TSHZ2: variants seen among roughly 807,000 people sequenced by gnomAD.
The protein encoded by TSHZ2 is teashirt homolog 2.
Under a neutral mutation model 74.4 loss-of-function variants are expected in TSHZ2, and 21 were observed. The observed-to-expected ratio is 0.28, with a 90% CI of 0.20 to 0.41. The LOEUF (loss-of-function observed/expected upper bound fraction) is 0.41. Among genes scored for constraint, TSHZ2 ranks in the 10% least tolerant of loss-of-function variants. The pLI is 1.00. For synonymous variants in TSHZ2, 540 were observed against 515.3 expected (o/e 1.05, Z -0.65); for missense variants, 1,244 against 1,293.5 (o/e 0.96, Z 0.59).
intron 2 of TSHZ2, among the ~76,000 whole-genome samples, chr20:53,455,937 C>T (rs1411628831): frequency 1.3e-5 from 2 of 151,568 alleles, no homozygotes; most frequent in Non-Finnish European, 3.0e-5. Flanking sequence ...ATATGTGCCA[C>T]ATTTTCTTAA....
chr20:53,134,477 C>CT (rs1162861132), intron 1 of TSHZ2, among the ~76,000 whole-genome samples: 3 of 152,154 alleles, frequency 2.0e-5, no homozygotes, highest in Non-Finnish European at 4.4e-5. Flanking sequence ...TCATTTGACA[C>CT]TTTTTATTGT....
chr20:52,987,457 C>CCT (rs574813303), intron 1 of TSHZ2, among the ~76,000 whole-genome samples: 11 of 149,300 alleles, frequency 7.4e-5, no homozygotes, highest in African/African-American at 1.7e-4. Flanking sequence ...CTTTCTCTCT[C>CCT]CTCTCTCTCT....
At chr20:53,210,424 G>C (rs961981470) in intron 1 of TSHZ2, among the ~76,000 whole-genome samples, 1 of 152,086 alleles carries the variant, frequency 6.6e-6, no homozygotes, top group Admixed American at 6.5e-5. Flanking sequence ...GAGTTGGGAG[G>C]GGGATGGAGT....
At chr20:53,293,977 C>T (rs1991330077) in intron 2 of TSHZ2, among the ~76,000 whole-genome samples, 1 of 152,076 alleles carries the variant, frequency 6.6e-6, no homozygotes, top group African/African-American at 2.4e-5. Flanking sequence ...GAGATCATGC[C>T]ACTGCACTCC....
chr20:53,220,433 G>A (rs1225660821), intron 1 of TSHZ2, among the ~76,000 whole-genome samples: 1 of 152,198 alleles, frequency 6.6e-6, no homozygotes, highest in Middle Eastern at 3.2e-3. Flanking sequence ...TTCCTCTACA[G>A]GGTTACTGAT....
chr20:52,973,452 G>A, intron 1 of TSHZ2, 119 bp downstream of exon 1: 2 of 1,332,176 alleles, frequency 1.5e-6, no homozygotes, highest in Non-Finnish European at 1.0e-6. Flanking sequence ...TTTGCGCCGG[G>A]TGCCCTTCTA....
At chr20:52,995,257 C>T (rs1982139672) in intron 1 of TSHZ2, among the ~76,000 whole-genome samples, 1 of 152,186 alleles carries the variant, frequency 6.6e-6, no homozygotes, top group African/African-American at 2.4e-5. Context: ...CCTCGCTCCT[C>T]ATTCAGAATC....
At chr20:53,250,929 GTA>G (rs1491530192) in intron 1 of TSHZ2, among the ~76,000 whole-genome samples, 2 of 148,724 alleles carry the variant, frequency 1.3e-5, no homozygotes, top group African/African-American at 5.0e-5. Flanking sequence ...GTGTGTGTGT[GTA>G]TGCACAGGTG....
intron 2 of TSHZ2, among the ~76,000 whole-genome samples, chr20:53,468,129 A>T (rs1471013714): frequency 6.6e-6 from 1 of 152,220 alleles, no homozygotes; most frequent in Non-Finnish European, 1.5e-5. Flanking sequence ...GAAGAGATTC[A>T]TGTTAAAAAG....
At chr20:53,158,740 A>G (rs1987856645) in intron 1 of TSHZ2, among the ~76,000 whole-genome samples, 1 of 152,012 alleles carries the variant, frequency 6.6e-6, no homozygotes, top group African/African-American at 2.4e-5. Context: ...CCCCTCCCCA[A>G]CCATGGAGGG....
At chr20:53,472,811 G>T (rs1030626402) in intron 2 of TSHZ2, among the ~76,000 whole-genome samples, 1 of 151,832 alleles carries the variant, frequency 6.6e-6, no homozygotes, top group African/African-American at 2.4e-5. Context: ...CACCGTGCGC[G>T]AGCCGAAGCA....
intron 2 of TSHZ2, among the ~76,000 whole-genome samples, chr20:53,414,157 A>G (rs1268108002): frequency 6.6e-6 from 1 of 152,114 alleles, no homozygotes; most frequent in Non-Finnish European, 1.5e-5. Context: ...AAAAAATTTA[A>G]AAAGAATAAT....
rs1471223316 is a variant in TSHZ2 at position 53,441,241 on chromosome 20, T to G, written c.*9-45903T>G. On this transcript the variant is annotated intron_variant, in intron 2 of 2. Transcript: ENST00000371497. ...TATTTGTTTATTTTATTTTATTTTA[T>G]TTTATTTTATTTTATTTTATTTTAT... 7.2e-4 allele frequency among the ~76,000 whole-genome samples: 105 copies of G among 145,052 alleles called. 1 individual carries two copies. The highest frequency in any genetic ancestry group is 2.1e-3 in the Admixed American group (30 of 14,548).
intron 2 of TSHZ2, among the ~76,000 whole-genome samples, chr20:53,382,595 G>T (rs1981899030): frequency 6.6e-6 from 1 of 152,198 alleles, no homozygotes; most frequent in African/African-American, 2.4e-5. Context: ...GAAGCTTCGG[G>T]ATAATGACAT....
chr20:53,186,363 G>T (rs558150974), intron 1 of TSHZ2, among the ~76,000 whole-genome samples: 2 of 152,316 alleles, frequency 1.3e-5, no homozygotes, highest in South Asian at 2.1e-4. Context: ...ACTCAGAATT[G>T]CCTGAAGACT....
chr20:52,977,742 T>A (rs190161437), intron 1 of TSHZ2, among the ~76,000 whole-genome samples: 53 of 152,344 alleles, frequency 3.5e-4, no homozygotes, highest in African/African-American at 1.1e-3. Flanking sequence ...ATTTCATTTT[T>A]AATCTGCCAT....
In TSHZ2 at chr20:53,211,442, A is replaced by G. The variant is rs1194467314; in HGVS notation, c.41-42057A>G. 2.0e-5 allele frequency among the ~76,000 whole-genome samples: 3 copies of G among 152,324 alleles called. No homozygotes were observed. In the East Asian group the frequency reaches 5.8e-4, roughly 29 times the overall value. On this transcript the variant is annotated intron_variant, in intron 1 of 2. Transcript: ENST00000371497. Reference sequence around the variant, plus strand: ...TTAGAATCAGAGGGATAAAAGGAACATTCACAGTCAAAGAAAATGCTTTAC... The same window carrying G: ...TTAGAATCAGAGGGATAAAAGGAACGTTCACAGTCAAAGAAAATGCTTTAC...
At chr20:53,291,487 AAAAAG>A (rs1366534128) in intron 2 of TSHZ2, among the ~76,000 whole-genome samples, 2 of 150,766 alleles carry the variant, frequency 1.3e-5, no homozygotes, top group African/African-American at 2.4e-5. Context: ...AAAAAAAAAA[AAAAAG>A]ATCAAGAGCA....
At chr20:53,325,708 A>C (rs540861453) in intron 2 of TSHZ2, among the ~76,000 whole-genome samples, 1 of 149,990 alleles carries the variant, frequency 6.7e-6, no homozygotes, top group South Asian at 2.1e-4. Context: ...AACTGTGTGA[A>C]GTTTTTGTAC....
Sources: gnomAD v4.1 joint callset for allele counts (sites outside exome capture counted in the v4.1 genomes callset) on GRCh38, gnomAD v4.1.1 for gene constraint, MANE v1.5 for transcripts, NCBI Gene and HGNC (gene_info 2026-07-23, HGNC 2026-07-21) for gene names.